The following PROM1 variants were observed in gnomAD, a reference collection of about 807,000 sequenced individuals.
The protein encoded by PROM1 is prominin-1.
Under a neutral mutation model 116.9 loss-of-function variants are expected in PROM1, and 105 were observed. That is an observed-to-expected ratio of 0.90 (90% CI 0.77 to 1.06). The LOEUF (loss-of-function observed/expected upper bound fraction) is 1.06. Among genes scored for constraint, PROM1 ranks in the 50% least tolerant of loss-of-function variants. The pLI, the probability that PROM1 is intolerant of heterozygous loss-of-function variation, is 0.00. For synonymous variants in PROM1, 393 were observed against 387.0 expected (o/e 1.02, Z -0.18); for missense variants, 1,122 against 1,045.2 (o/e 1.07, Z -1.01).
intron 27 of PROM1, among the ~76,000 whole-genome samples, chr4:15,970,483 A>G (rs541548015): frequency 1.5e-4 from 22 of 150,774 alleles, no homozygotes; most frequent in South Asian, 1.1e-3. Context: ...TTATTTTTTT[A>G]CTTAAAAAAT....
At chr4:16,055,342 C>T (rs1738758987) in intron 2 of PROM1, 1 of 455,048 alleles carries the variant, frequency 2.2e-6, no homozygotes, top group Non-Finnish European at 4.4e-6. Context: ...ACCTCCCAGG[C>T]AAAAATTCCC....
intron 10 of PROM1, among the ~76,000 whole-genome samples, chr4:16,014,073 T>C (rs1265554825): frequency 2.6e-5 from 4 of 152,114 alleles, no homozygotes; most frequent in South Asian, 2.1e-4. Flanking sequence ...GAGGGAAATA[T>C]CATTATTTCC....
chr4:16,056,739 G>T (rs1164663499), intron 2 of PROM1, among the ~76,000 whole-genome samples: 1 of 152,170 alleles, frequency 6.6e-6, no homozygotes, highest in Non-Finnish European at 1.5e-5. Context: ...GAAGCAAAGG[G>T]TCTGAGGCTT....
intron 2 of PROM1, among the ~76,000 whole-genome samples, chr4:16,049,050 G>A (rs1255503236): frequency 6.6e-6 from 1 of 152,216 alleles, no homozygotes; most frequent in African/African-American, 2.4e-5. Flanking sequence ...CCGACAGTGC[G>A]ATGGGCCATG....
intron 6 of PROM1, 45 bp downstream of exon 6, chr4:16,025,147 C>A (rs764998505): frequency 3.8e-6 from 6 of 1,585,320 alleles, no homozygotes; most frequent in Admixed American, 3.6e-5. Flanking sequence ...CTCCAAAAAA[C>A]CAAAAATATA....
intron 2 of PROM1, among the ~76,000 whole-genome samples, chr4:16,073,183 C>T (rs551174079): frequency 2.2e-4 from 33 of 152,292 alleles, no homozygotes; most frequent in Non-Finnish European, 3.7e-4. Flanking sequence ...TGGCCAGTTG[C>T]ACGCTTTCAA....
At chr4:16,016,359 G>A (rs1055228852) in intron 9 of PROM1, 119 bp from the exon 10 acceptor site, 61 of 772,192 alleles carry the variant, frequency 7.9e-5, no homozygotes, top group South Asian at 3.6e-4. Flanking sequence ...GGGTACAATC[G>A]CAGTTTCTTT....
At chr4:16,042,877 A>G (rs1413133696) in intron 2 of PROM1, among the ~76,000 whole-genome samples, 1 of 152,246 alleles carries the variant, frequency 6.6e-6, no homozygotes, top group Non-Finnish European at 1.5e-5. Context: ...GGAGCAACCC[A>G]GATACAGATA....
At chr4:16,018,890 T>C (rs1384796726) in intron 8 of PROM1, among the ~76,000 whole-genome samples, 3 of 152,180 alleles carry the variant, frequency 2.0e-5, no homozygotes, top group African/African-American at 7.2e-5. Flanking sequence ...AACAAGTCAA[T>C]CCCAGCAGTG....
At position 15,989,823 on chromosome 4, in the gene PROM1, G is replaced by A; in HGVS notation, c.1985C>T (p.Pro662Leu). Reference protein sequence around the residue: ...YDLEAKANSLPPGNLRNSLKR... With the variant: ...YDLEAKANSLLPGNLRNSLKR... ...CAGGGAGTTCCTCAAATTTCCTGGG[G>A]GCTACAAAAAGAATAAAAAACAAAG... The change falls in exon 19 of 28, where the codon CCC becomes CTC. Residue 662 changes from proline (P) to leucine (L), a missense_variant and splice_region_variant. Coordinates refer to ENST00000447510, the MANE Select transcript of PROM1 (RefSeq NM_006017.3). 6.3e-7 allele frequency: 1 copy of A among 1,596,964 alleles called. No individual in the cohort carries two copies. The highest frequency in any genetic ancestry group is 8.6e-7 in the Non-Finnish European group (1 of 1,169,552).
intron 2 of PROM1, among the ~76,000 whole-genome samples, chr4:16,049,829 C>T (rs1190016300): frequency 1.3e-5 from 2 of 152,088 alleles, no homozygotes; most frequent in Non-Finnish European, 2.9e-5. Context: ...CCACTGCAGG[C>T]TTCAGCTTCA....
intron 8 of PROM1, 86 bp downstream of exon 8, chr4:16,023,240 A>G: frequency 8.2e-7 from 1 of 1,219,446 alleles, no homozygotes; most frequent in Non-Finnish European, 1.2e-6. Context: ...GCCAGCTCTC[A>G]GGGAACAAGA....
chr4:16,030,536 T>A (rs1041100057), intron 5 of PROM1, among the ~76,000 whole-genome samples: 2 of 152,174 alleles, frequency 1.3e-5, no homozygotes, highest in Non-Finnish European at 2.9e-5. Context: ...CATATATTGA[T>A]TTGATAGGTC....
chr4:16,014,808 T>C (rs1240062970), intron 10 of PROM1, among the ~76,000 whole-genome samples: 1 of 152,218 alleles, frequency 6.6e-6, no homozygotes, highest in Non-Finnish European at 1.5e-5. Context: ...GAAATATTTA[T>C]TGCATACTCA....
chr4:15,992,374 G>C lies in PROM1; in HGVS notation c.1785C>G (p.Ser595Arg). The C allele has an allele frequency of 1.9e-6, 3 of 1,613,482 alleles. No homozygotes were observed. Among genetic ancestry groups the C allele is most frequent in the Non-Finnish European group, 1.7e-6 (2 of 1,179,654 alleles). Residue 595 changes from serine (S) to arginine (R), a missense_variant, in exon 17 of 28, where the codon AGC becomes AGG. Transcript: ENST00000447510. ...LNINEHTGSISSELESLKVNL... is the reference protein window; with the variant it reads ...LNINEHTGSIRSELESLKVNL... Reference sequence around the variant, plus strand: ...TTACCTTCAGACTTTCCAATTCACTGCTTATGCTTCCAGTATGCTGCGAAA... The same window carrying C: ...TTACCTTCAGACTTTCCAATTCACTCCTTATGCTTCCAGTATGCTGCGAAA...
At chr4:16,028,543 A>G (rs182069928) in intron 5 of PROM1, among the ~76,000 whole-genome samples, 2 of 152,344 alleles carry the variant, frequency 1.3e-5, no homozygotes, top group South Asian at 2.1e-4. Flanking sequence ...TGCAATCTCA[A>G]ATTTAAACCT....
At chr4:16,035,795 A>G in intron 3 of PROM1, 34 bp from the exon 4 acceptor site, 2 of 1,607,352 alleles carry the variant, frequency 1.2e-6, no homozygotes, top group Non-Finnish European at 1.7e-6. Flanking sequence ...GAATTTTGGC[A>G]GAGGCAGCAT....
At chr4:16,006,181 A>T (rs1030942338) in intron 13 of PROM1, among the ~76,000 whole-genome samples, 1 of 152,142 alleles carries the variant, frequency 6.6e-6, no homozygotes, top group African/African-American at 2.4e-5. Flanking sequence ...TGAGTGAATA[A>T]ATGAATGAAT....
At chr4:16,013,797 C>A (rs1423528413) in intron 10 of PROM1, among the ~76,000 whole-genome samples, 1 of 151,962 alleles carries the variant, frequency 6.6e-6, no homozygotes, top group Non-Finnish European at 1.5e-5. Context: ...CAGGAGAGCC[C>A]CCGCCGCTAA....
Sources: allele counts gnomAD v4.1 joint callset (sites outside exome capture counted in the v4.1 genomes callset), GRCh38; gene constraint gnomAD v4.1.1; transcripts MANE v1.5; gene names NCBI Gene and HGNC (gene_info 2026-07-23, HGNC 2026-07-21).